Variants in LVRN observed in about 807,000 individuals in gnomAD.
LVRN encodes the protein aminopeptidase Q.
Under a neutral mutation model 111.4 loss-of-function variants are expected in LVRN, and 99 were observed. The observed-to-expected ratio is 0.89, with a 90% CI of 0.76 to 1.05. The LOEUF is 1.05. Ranked by LOEUF, LVRN falls within the 50% of genes least tolerant of loss-of-function variation. The pLI is 0.00. For missense variants in LVRN, 1,414 were observed against 1,206.8 expected, an observed-to-expected ratio of 1.17 and a Z score of -2.54; for synonymous variants, 488 against 449.5, an observed-to-expected ratio of 1.09 and a Z score of -1.08.
chr5:116,018,936 C>G (rs1275863359), intron 18 of LVRN, among the ~76,000 whole-genome samples: 2 of 152,064 alleles, frequency 1.3e-5, no homozygotes, highest in Non-Finnish European at 2.9e-5. Context: ...CACAGAGACA[C>G]AACCTCCCCC....
chr5:116,010,973 C>A, intron 14 of LVRN, 79 bp downstream of exon 14: 1 of 1,189,360 alleles, frequency 8.4e-7, no homozygotes, highest in Non-Finnish European at 1.1e-6. Flanking sequence ...ATCTGTGAGA[C>A]AGGTCTTTTC....
intron 1 of LVRN, among the ~76,000 whole-genome samples, chr5:115,980,632 C>T (rs758707958): frequency 4.6e-5 from 7 of 151,978 alleles, no homozygotes; most frequent in East Asian, 1.9e-4. Flanking sequence ...ATTTTCTCTC[C>T]GCTCCCCACC....
At chr5:115,983,157 C>T (rs1256926017) in intron 1 of LVRN, 130 bp from the exon 2 acceptor site, 1 of 945,440 alleles carries the variant, frequency 1.1e-6, no homozygotes, top group Non-Finnish European at 1.6e-6. Context: ...ATGGGATGGG[C>T]AGTGAGGAAG....
At chr5:115,989,050 A>G (rs1747927899) in intron 4 of LVRN, among the ~76,000 whole-genome samples, 1 of 151,972 alleles carries the variant, frequency 6.6e-6, no homozygotes, top group African/African-American at 2.4e-5. Context: ...AGTTCTCCCT[A>G]GTTTTCATCA....
At chr5:116,008,507 A>T (rs1386915672) in intron 13 of LVRN, among the ~76,000 whole-genome samples, 1 of 152,172 alleles carries the variant, frequency 6.6e-6, no homozygotes, top group Non-Finnish European at 1.5e-5. Flanking sequence ...AGATAGGCCG[A>T]AACTAGGACT....
intron 1 of LVRN, among the ~76,000 whole-genome samples, chr5:115,977,912 A>C (rs140850908): frequency 4.5e-4 from 68 of 152,372 alleles, no homozygotes; most frequent in African/African-American, 1.5e-3. Flanking sequence ...AAAGAAAAGA[A>C]GGAACTGAAA....
intron 1 of LVRN, among the ~76,000 whole-genome samples, chr5:115,970,530 G>A (rs1177049305): frequency 4.6e-5 from 7 of 151,814 alleles, no homozygotes; most frequent in Admixed American, 3.9e-4. Flanking sequence ...TTACAGGCAC[G>A]CGCCACCACA....
rs1395445852 is a variant in LVRN, at chr5:116,012,467, C to G, written c.2341C>G (p.Leu781Val). 1.3e-6 allele frequency: 2 copies of G among 1,513,168 alleles called. No individual in the cohort carries two copies. The highest frequency in any genetic ancestry group is 1.9e-5 in the Admixed American group (1 of 52,344). The allele number at this position is 1,513,168 out of a possible 1,614,324, so 93.7% of individuals were successfully genotyped here. Residue 781 changes from leucine (L) to valine (V), a missense_variant and splice_region_variant, in exon 15 of 20, where the codon CTA (leucine) becomes GTA (valine). Coordinates refer to ENST00000357872, the MANE Select transcript of LVRN (RefSeq NM_173800.5). ...VLALQDDYLA[L>V]ISLEKLFVTA... is the part of the protein sequence containing the mutation. ...GGCATTACAAGATGACTACTTAGCT[C>G]TGTAAGTATGTTTTCAGAAGTGATA...
At chr5:116,002,760 T>C in intron 10 of LVRN, 75 bp from the exon 11 acceptor site, 2 of 1,079,264 alleles carry the variant, frequency 1.9e-6, no homozygotes, top group South Asian at 3.0e-5. Context: ...TATTTCATCA[T>C]CTCTTTAATA....
At position 116,005,509 on chromosome 5, in the gene LVRN, C is replaced by T. The variant is rs148487222; in HGVS notation, c.2038-403C>T. Among the ~76,000 whole-genome samples, 1,184 of 152,286 alleles carry T rather than the reference C, an allele frequency of 7.8e-3. 14 individuals carry two copies. The highest frequency in any genetic ancestry group is 0.024 in the African/African-American group (1,005 of 41,554). On this transcript the variant is annotated intron_variant, in intron 12 of 19. Transcript: ENST00000357872. ...TGGTACCTCAATGTTACCAAAATAG[C>T]GCTAAATAATATTTATTTAAGGGCT...
chr5:115,992,042 T>G lies in LVRN; in HGVS notation c.1106-81T>G, dbSNP rs978076651. ...TCCCTTGAATTTTTTGGTAATTTTA[T>G]GATTTCATTTTGAGATATTTAAAAA... On this transcript the variant is annotated intron_variant, in intron 4 of 19. Transcript: ENST00000357872. 9.6e-5 allele frequency: 132 copies of G among 1,376,550 alleles called. No homozygotes were observed. Among genetic ancestry groups the G allele is most frequent in the Admixed American group, 2.3e-4 (10 of 43,230 alleles). 85.3% of individuals were successfully genotyped at this position (1,376,550 alleles called of 1,614,324 possible). A position where few individuals can be genotyped will look rare whatever the true frequency, so the allele number is the denominator to read the frequency against.
chr5:115,980,016 G>A (rs939243219), intron 1 of LVRN, among the ~76,000 whole-genome samples: 1 of 152,116 alleles, frequency 6.6e-6, no homozygotes, highest in Non-Finnish European at 1.5e-5. Context: ...TCCAGCACAA[G>A]AAAACAGTGA....
intron 3 of LVRN, among the ~76,000 whole-genome samples, chr5:115,984,957 C>T (rs1015350316): frequency 6.6e-6 from 1 of 152,120 alleles, no homozygotes; most frequent in African/African-American, 2.4e-5. Context: ...AGGTCTGTGC[C>T]CCCTCTTCCC....
intron 2 of LVRN, among the ~76,000 whole-genome samples, chr5:115,984,280 T>C (rs1747799036): frequency 6.6e-6 from 1 of 151,998 alleles, no homozygotes; most frequent in Admixed American, 6.6e-5. Context: ...ACAATAGAAT[T>C]AGGTGGGAGA....
At position 116,027,590 on chromosome 5, in the gene LVRN, A is replaced by G. The variant is rs1413344791; in HGVS notation, c.*1472A>G. ...AAATGTAAATTTTCAGCAATAAAATATCTGCATGCCTACAAAGTGTTGTAG... is the reference window on the plus strand; with the variant it reads ...AAATGTAAATTTTCAGCAATAAAATGTCTGCATGCCTACAAAGTGTTGTAG... On this transcript the variant is annotated 3_prime_UTR_variant, in exon 20 of 20. Coordinates refer to ENST00000357872, the MANE Select transcript of LVRN (RefSeq NM_173800.5). The G allele has an allele frequency of 6.6e-6, 1 of 152,210 alleles. No homozygotes were observed. 9.4% of individuals were successfully genotyped at this position (152,210 alleles called of 1,614,324 possible). A position where few individuals can be genotyped will look rare whatever the true frequency, so the allele number is the denominator to read the frequency against.
intron 19 of LVRN, among the ~76,000 whole-genome samples, chr5:116,025,417 A>G (rs1011666523): frequency 6.6e-6 from 1 of 152,200 alleles, no homozygotes; most frequent in African/African-American, 2.4e-5. Flanking sequence ...ATATTTTGGA[A>G]TATAACTTAT....
At chr5:115,988,361 T>G (rs1432777583) in intron 4 of LVRN, among the ~76,000 whole-genome samples, 1 of 151,982 alleles carries the variant, frequency 6.6e-6, no homozygotes, top group Non-Finnish European at 1.5e-5. Context: ...ATCCATTAGC[T>G]GTGAATCATT....
At chr5:116,002,515 C>T (rs544158965) in intron 10 of LVRN, among the ~76,000 whole-genome samples, 1 of 152,284 alleles carries the variant, frequency 6.6e-6, no homozygotes, top group African/African-American at 2.4e-5. Context: ...TTTGAACTAC[C>T]CTTGAGTGAA....
chr5:115,965,858 T>A (rs1322730159), intron 1 of LVRN, among the ~76,000 whole-genome samples: 1 of 152,200 alleles, frequency 6.6e-6, no homozygotes, highest in Non-Finnish European at 1.5e-5. Context: ...CATGCAGAAC[T>A]GTGAGTCAAT....
Sources: gnomAD v4.1 joint callset for allele counts (sites outside exome capture counted in the v4.1 genomes callset) on GRCh38, gnomAD v4.1.1 for gene constraint, MANE v1.5 for transcripts, NCBI Gene and HGNC (gene_info 2026-07-23, HGNC 2026-07-21) for gene names.